The following SLC8A1 variants were observed in gnomAD, a reference collection of about 807,000 sequenced individuals.
SLC8A1 encodes solute carrier family 8 member A1.
SLC8A1 carries 18 observed loss-of-function variants against 68.3 expected under a neutral mutation model. That is an observed-to-expected ratio of 0.26 (90% confidence interval 0.18 to 0.39). SLC8A1 has a LOEUF of 0.39. SLC8A1 is among the 10% of genes least tolerant of loss of function. The pLI is 1.00. For synonymous variants in SLC8A1, 475 were observed against 415.5 expected (o/e 1.14, Z -1.74); for missense variants, 985 against 1,156.7 (o/e 0.85, Z 2.15).
chr2:40,407,917 C>T (rs755856643), intron 2 of SLC8A1, among the ~76,000 whole-genome samples: 9 of 152,200 alleles, frequency 5.9e-5, no homozygotes, highest in Non-Finnish European at 7.3e-5. Flanking sequence ...TCCTGTGGAT[C>T]TTCACTGGTG....
At chr2:40,448,107 T>C (rs1230624920) in intron 1 of SLC8A1, among the ~76,000 whole-genome samples, 3 of 152,166 alleles carry the variant, frequency 2.0e-5, no homozygotes, top group Non-Finnish European at 4.4e-5. Context: ...AACTGTCTTA[T>C]AAGTCAATGC....
chr2:40,435,350 C>T (rs1030139978), intron 1 of SLC8A1, among the ~76,000 whole-genome samples: 2 of 152,128 alleles, frequency 1.3e-5, no homozygotes, highest in Non-Finnish European at 2.9e-5. Context: ...ACCATCTCAC[C>T]TAAAGTGAAA....
chr2:40,346,324 A>G (rs925778645), intron 2 of SLC8A1, among the ~76,000 whole-genome samples: 3 of 152,174 alleles, frequency 2.0e-5, no homozygotes, highest in Non-Finnish European at 4.4e-5. Context: ...TTCTTACCAC[A>G]TAATGAGAAA....
chr2:40,388,047 A>G (rs918023161), intron 2 of SLC8A1, among the ~76,000 whole-genome samples: 14 of 151,990 alleles, frequency 9.2e-5, no homozygotes, highest in African/African-American at 3.4e-4. Flanking sequence ...TGGCATCTCT[A>G]AATTGTGACT....
At position 40,426,043 on chromosome 2, in the gene SLC8A1, C is replaced by T. The variant is rs1000807698; in HGVS notation, c.1808+2430G>A. Among the ~76,000 whole-genome samples, 62 of 151,854 alleles carry T rather than the reference C, an allele frequency of 4.1e-4. 1 individual carries two copies. The highest frequency in any genetic ancestry group is 1.5e-3 in the Admixed American group (23 of 15,214). ...CTTGGTGCTTAATTTAAGGTTAAGT[C>T]CCAGCCAAACAAATCTGTACAATCA... On this transcript the variant is annotated intron_variant, in intron 2 of 7. Coordinates refer to ENST00000406785, the Ensembl canonical transcript of SLC8A1.
At chr2:40,133,932 A>C (rs1481176912) in intron 7 of SLC8A1, among the ~76,000 whole-genome samples, 1 of 152,162 alleles carries the variant, frequency 6.6e-6, no homozygotes, top group African/African-American at 2.4e-5. Flanking sequence ...AGTCCAAAAA[A>C]AGGCTGGGCT....
At chr2:40,176,257 G>A (rs2048452829) in intron 3 of SLC8A1, among the ~76,000 whole-genome samples, 1 of 152,140 alleles carries the variant, frequency 6.6e-6, no homozygotes, top group Admixed American at 6.5e-5. Context: ...ATAGTGACAA[G>A]AATCCACTTG....
chr2:40,238,490 C>T (rs2060748303), intron 2 of SLC8A1, among the ~76,000 whole-genome samples: 1 of 152,122 alleles, frequency 6.6e-6, no homozygotes, highest in African/African-American at 2.4e-5. Context: ...ACCCACTGAC[C>T]TGTGCCCACT....
rs556995613 is a variant in SLC8A1 at position 40,241,234 on chromosome 2, G to A, written c.1809-63379C>T. ...GCAAGTGGAGGCCATAATCCTCAGC[G>A]AATTAACACAGCAACAGAAAACCAA... On this transcript the variant is annotated intron_variant, in intron 2 of 7. Transcript: ENST00000406785. Among the ~76,000 whole-genome samples the A allele has an allele frequency of 7.9e-5, 12 of 152,218 alleles. No homozygotes were observed. The South Asian group carries it at 1.2e-3, about 16-fold the overall frequency.
chr2:40,174,872 TATA>T, intron 3 of SLC8A1, 30 bp from the exon 5 acceptor site: 1 of 1,600,608 alleles, frequency 6.2e-7, no homozygotes, highest in Non-Finnish European at 8.6e-7. Context: ...CAACAAATGT[TATA>T]ATTTGACACT....
intron 1 of SLC8A1, among the ~76,000 whole-genome samples, chr2:40,489,218 C>T (rs565125772): frequency 1.4e-4 from 21 of 152,000 alleles, no homozygotes; most frequent in Non-Finnish European, 2.4e-4. Flanking sequence ...ATAAGAGAAA[C>T]ATAATTAATA....
intron 2 of SLC8A1, among the ~76,000 whole-genome samples, chr2:40,232,844 C>T (rs1443678671): frequency 1.4e-4 from 19 of 139,516 alleles, no homozygotes; most frequent in African/African-American, 2.4e-4. Context: ...TGAGAATATG[C>T]GGTGTTTGGT....
chr2:40,174,059 T>C (rs982568683), intron 4 of SLC8A1, among the ~76,000 whole-genome samples: 17 of 152,204 alleles, frequency 1.1e-4, no homozygotes, highest in African/African-American at 3.9e-4. Context: ...TTTGAGTTTT[T>C]ATAGAATACT....
intron 2 of SLC8A1, among the ~76,000 whole-genome samples, chr2:40,309,530 G>A (rs937483661): frequency 8.1e-5 from 11 of 136,606 alleles, no homozygotes; most frequent in Admixed American, 4.0e-4. Context: ...TTTGTGAGAC[G>A]GAGTCTCGCT....
At chr2:40,454,760 A>G (rs921935369), upstream of SLC8A1, among the ~76,000 whole-genome samples, 3 of 152,156 alleles carry the variant, frequency 2.0e-5, no homozygotes, top group Non-Finnish European at 2.9e-5. Flanking sequence ...CCAGGGCCCC[A>G]AGGCAAATCA....
chr2:40,414,986 G>C (rs1344556006), intron 2 of SLC8A1, among the ~76,000 whole-genome samples: 1 of 152,164 alleles, frequency 6.6e-6, no homozygotes, highest in Non-Finnish European at 1.5e-5. Flanking sequence ...AGATATCAAA[G>C]AGAATGAAAT....
chr2:40,319,878 G>A (rs187363863), intron 2 of SLC8A1, among the ~76,000 whole-genome samples: 41 of 152,138 alleles, frequency 2.7e-4, no homozygotes, highest in African/African-American at 9.6e-4. Flanking sequence ...CTCCTTCTGT[G>A]GAGAGAGCTT....
chr2:40,289,519 TTGGTTCCCTA>T (rs1188823036), intron 2 of SLC8A1, among the ~76,000 whole-genome samples: 3 of 152,020 alleles, frequency 2.0e-5, no homozygotes, highest in African/African-American at 7.2e-5. Flanking sequence ...TAAATATATA[TTGGTTCCCTA>T]GAAAGGTAAC....
intron 2 of SLC8A1, among the ~76,000 whole-genome samples, chr2:40,273,384 T>G (rs112700959): frequency 0.028 from 4,272 of 152,254 alleles, 86 homozygotes; most frequent in Middle Eastern, 0.085. Context: ...CTAGCCACCA[T>G]GCCCAGCCCC....
Sources: gnomAD v4.1 joint callset for allele counts (sites outside exome capture counted in the v4.1 genomes callset) on GRCh38, gnomAD v4.1.1 for gene constraint, MANE v1.5 for transcripts, NCBI Gene and HGNC (gene_info 2026-07-23, HGNC 2026-07-21) for gene names.